The following USH2A variants were observed in gnomAD, a reference collection of about 807,000 sequenced individuals.
USH2A encodes the protein usherin.
A neutral mutation model predicts 538.9 loss-of-function variants in USH2A; 443 were observed. That is an observed-to-expected ratio of 0.82 (90% CI 0.76 to 0.89). USH2A has a LOEUF of 0.89. Ranked by LOEUF, USH2A falls within the 40% of genes least tolerant of loss-of-function variation. The probability of loss-of-function intolerance (pLI) is 0.00; values close to 1 mark genes in which losing one functional copy is unlikely to be tolerated. For synonymous variants in USH2A, 2,413 were observed against 2,273.5 expected (o/e 1.06, Z -1.75); for missense variants, 6,633 against 6,324.8 (o/e 1.05, Z -1.65).
intron 61 of USH2A, among the ~76,000 whole-genome samples, chr1:215,690,983 A>T (rs1658583268): frequency 1.3e-5 from 2 of 152,196 alleles, no homozygotes; most frequent in African/African-American, 4.8e-5. Flanking sequence ...TCCCAGGTTC[A>T]AGCGATTCTT....
chr1:216,245,470 T>TGAGA (rs10535828), intron 13 of USH2A, among the ~76,000 whole-genome samples: 3,468 of 114,126 alleles, frequency 0.03, 109 homozygotes, highest in African/African-American at 0.059. Context: ...AGTCCCCTTC[T>TGAGA]GAGAGAGAGA....
chr1:215,649,187 A>C (rs1338257216), intron 65 of USH2A, among the ~76,000 whole-genome samples: 1 of 152,224 alleles, frequency 6.6e-6, no homozygotes, highest in African/African-American at 2.4e-5. Context: ...ATATTCTGCC[A>C]TGGTTACTTG....
intron 64 of USH2A, among the ~76,000 whole-genome samples, chr1:215,664,782 T>C (rs1657551546): frequency 6.6e-6 from 1 of 152,134 alleles, no homozygotes; most frequent in Non-Finnish European, 1.5e-5. Flanking sequence ...ACCTGGTATA[T>C]GTGGATATAA....
intron 58 of USH2A, among the ~76,000 whole-genome samples, chr1:215,745,927 T>C (rs1660457631): frequency 6.6e-6 from 1 of 152,176 alleles, no homozygotes; most frequent in Non-Finnish European, 1.5e-5. Context: ...GGAACAAGCA[T>C]ATTATAGGTA....
intron 41 of USH2A, among the ~76,000 whole-genome samples, chr1:215,882,577 A>C (rs547364969): frequency 1.3e-5 from 2 of 152,264 alleles, no homozygotes; most frequent in Non-Finnish European, 2.9e-5. Context: ...GTTTTATTTC[A>C]CTCAGGTGAA....
At chr1:216,331,402 TAGAC>T (rs567655322) in intron 4 of USH2A, among the ~76,000 whole-genome samples, 10 of 152,068 alleles carry the variant, frequency 6.6e-5, no homozygotes, top group Middle Eastern at 3.4e-3. Flanking sequence ...AGTCAGAAAA[TAGAC>T]AGGTGATGAC....
At chr1:215,941,557 T>C (rs868533453) in intron 37 of USH2A, among the ~76,000 whole-genome samples, 1 of 152,188 alleles carries the variant, frequency 6.6e-6, no homozygotes, top group Non-Finnish European at 1.5e-5. Flanking sequence ...GAAAGTGGTC[T>C]CCGGCTTCCA....
rs1241034250 is a variant in USH2A at position 215,782,832 on chromosome 1, ATCT to A, written c.10488_10490del (p.Glu3496del). 1.9e-6 allele frequency: 3 copies of A among 1,614,000 alleles called. No homozygotes were observed. The highest frequency in any genetic ancestry group is 1.3e-5 in the African/African-American group (1 of 75,042). On this transcript the variant is annotated inframe_deletion, in exon 53 of 72. Coordinates refer to ENST00000307340, the MANE Select transcript of USH2A (RefSeq NM_206933.4). The stretch of plus-strand genomic sequence containing the variant: ...TAGGGGGACTCACTCCTTGAGGCAC[ATCT>A]TCTTTTGTTCTGGCTCTCACAGCTT...
chr1:216,176,524 C>T (rs1282352035), intron 20 of USH2A, among the ~76,000 whole-genome samples: 1 of 152,152 alleles, frequency 6.6e-6, no homozygotes. Flanking sequence ...CCAAATGGTT[C>T]ATTTGCTACA....
intron 35 of USH2A, among the ~76,000 whole-genome samples, chr1:215,987,318 C>T (rs1177040983): frequency 6.6e-6 from 1 of 152,208 alleles, no homozygotes; most frequent in Non-Finnish European, 1.5e-5. Flanking sequence ...AGACAGTAAT[C>T]CTTTGTGCTA....
chr1:215,909,992 A>G (rs376927552), intron 38 of USH2A, among the ~76,000 whole-genome samples: 21 of 152,040 alleles, frequency 1.4e-4, no homozygotes, highest in African/African-American at 4.1e-4. Flanking sequence ...GGGGGACTGG[A>G]GTTCATGTGT....
At chr1:215,817,305 A>G (rs1046229916) in intron 47 of USH2A, 110 bp from the exon 48 acceptor site, 3 of 474,962 alleles carry the variant, frequency 6.3e-6, no homozygotes, top group Non-Finnish European at 9.5e-6. Flanking sequence ...ATATATAATT[A>G]TATATGTTTA....
rs377384089 is a variant in USH2A at position 216,080,039 on chromosome 1, G to A, written c.5299-1677C>T. On this transcript the variant is annotated intron_variant, in intron 26 of 71. Transcript: ENST00000307340. ...TGACTGTTGTTGTTGACAAGGAGGA[G>A]GGGTGAGTTCATTTTAAATATATTG... 7.9e-5 allele frequency: 12 copies of A among 152,212 alleles called. 1 individual carries two copies. The highest frequency in any genetic ancestry group is 2.0e-4 in the Admixed American group (3 of 15,270). 9.4% of individuals were successfully genotyped at this position (152,212 alleles called of 1,614,324 possible).
At chr1:216,132,080 A>G (rs1188342806) in intron 21 of USH2A, among the ~76,000 whole-genome samples, 1 of 152,054 alleles carries the variant, frequency 6.6e-6, no homozygotes, top group Non-Finnish European at 1.5e-5. Context: ...CACTCTACAT[A>G]CAACCTCTCA....
chr1:215,734,354 C>T (rs1660092477), intron 60 of USH2A, among the ~76,000 whole-genome samples: 1 of 152,216 alleles, frequency 6.6e-6, no homozygotes, highest in Non-Finnish European at 1.5e-5. Flanking sequence ...ACCATTCTTT[C>T]CTCCTAGGCC....
chr1:215,625,984 A>G (rs965144000), intron 71 of USH2A, 114 bp from the exon 72 acceptor site: 40 of 1,013,962 alleles, frequency 3.9e-5, no homozygotes, highest in Non-Finnish European at 5.9e-5. Context: ...AGGCTTTTTT[A>G]TTCTCAACAC....
intron 4 of USH2A, among the ~76,000 whole-genome samples, chr1:216,339,892 C>T (rs1231564459): frequency 6.6e-6 from 1 of 151,360 alleles, no homozygotes; most frequent in East Asian, 1.9e-4. Flanking sequence ...AGAAAGATCT[C>T]GAATTGACAC....
At chr1:215,790,365 T>C in intron 50 of USH2A, 83 bp from the exon 51 acceptor site, 3 of 1,505,390 alleles carry the variant, frequency 2.0e-6, no homozygotes, top group Non-Finnish European at 1.8e-6. Context: ...GGTATAAAAA[T>C]GTCAGGCTCA....
chr1:216,215,310 G>C (rs1396758289), intron 15 of USH2A, among the ~76,000 whole-genome samples: 5 of 152,082 alleles, frequency 3.3e-5, no homozygotes, highest in Non-Finnish European at 7.4e-5. Flanking sequence ...ACATCTGTTG[G>C]ATACAGAGAC....
Sources: gnomAD v4.1 joint callset for allele counts (sites outside exome capture counted in the v4.1 genomes callset) on GRCh38, gnomAD v4.1.1 for gene constraint, MANE v1.5 for transcripts, NCBI Gene and HGNC (gene_info 2026-07-23, HGNC 2026-07-21) for gene names.